Variants in OPRK1 observed in about 807,000 individuals in gnomAD.
The protein encoded by OPRK1 is kappa-type opioid receptor.
OPRK1 carries 15 observed loss-of-function variants against 24.5 expected under a neutral mutation model. That is an observed-to-expected ratio of 0.61 (90% CI 0.41 to 0.94). OPRK1 has a LOEUF of 0.94. Among genes scored for constraint, OPRK1 ranks in the 40% least tolerant of loss-of-function variants. The probability of loss-of-function intolerance (pLI) is 0.00; values close to 1 mark genes in which losing one functional copy is unlikely to be tolerated. For synonymous variants in OPRK1, 205 were observed against 198.0 expected, an observed-to-expected ratio of 1.04 and a Z score of -0.30; for missense variants, 479 against 507.3, an observed-to-expected ratio of 0.94 and a Z score of 0.54.
At position 53,228,896 on chromosome 8, in the gene OPRK1, T is replaced by A. The variant is rs201246610; in HGVS notation, c.*401A>T. On this transcript the variant is annotated 3_prime_UTR_variant, in exon 4 of 4. Transcript: ENST00000265572. ...GTCATTGTGAAACATCTGGATTGGA[T>A]GCCCATTGAGCTCTGAAAGCAATGT... The A allele has an allele frequency of 9.2e-5, 15 of 163,684 alleles. No individual in the cohort carries two copies. The highest frequency in any genetic ancestry group is 1.7e-4 in the Non-Finnish European group (13 of 74,866). The allele number at this position is 163,684 out of a possible 1,614,324, so 10.1% of individuals were successfully genotyped here.
rs1183442384 is a variant in OPRK1 at position 53,226,150 on chromosome 8, G to A, written c.*3147C>T. 6.6e-6 allele frequency: 1 copy of A among 152,110 alleles called. No individual in the cohort carries two copies. Among genetic ancestry groups the A allele is most frequent in the East Asian group, 1.9e-4 (1 of 5,186 alleles). The allele number at this position is 152,110 out of a possible 1,614,324, so 9.4% of individuals were successfully genotyped here. A position where few individuals can be genotyped will look rare whatever the true frequency, so the allele number is the denominator to read the frequency against. The stretch of plus-strand genomic sequence containing the variant: ...CTGTATTTCTTAGTAATATATCACA[G>A]AATAGAACCATTTTCTTAAGATTTT... On this transcript the variant is annotated 3_prime_UTR_variant, in exon 4 of 4. Transcript: ENST00000265572.
chr8:53,247,418 T>C (rs1172028444), intron 2 of OPRK1, among the ~76,000 whole-genome samples: 1 of 152,212 alleles, frequency 6.6e-6, no homozygotes, highest in African/African-American at 2.4e-5. Context: ...ATGATATACC[T>C]ATAGTTGTGA....
At chr8:53,245,763 T>C (rs1325832181) in intron 2 of OPRK1, among the ~76,000 whole-genome samples, 1 of 152,198 alleles carries the variant, frequency 6.6e-6, no homozygotes, top group Non-Finnish European at 1.5e-5. Flanking sequence ...CTCATCTCGG[T>C]ACTGCTGCAA....
chr8:53,248,410 A>G (rs1273635732), intron 2 of OPRK1, among the ~76,000 whole-genome samples: 1 of 152,148 alleles, frequency 6.6e-6, no homozygotes, highest in Non-Finnish European at 1.5e-5. Context: ...AGCCTTTCCC[A>G]TGTAAAACAT....
At chr8:53,241,297 T>A (rs1262653243) in intron 2 of OPRK1, among the ~76,000 whole-genome samples, 1 of 152,252 alleles carries the variant, frequency 6.6e-6, no homozygotes. Context: ...ACTAAATTTT[T>A]CAGTCAGTTT....
rs35649072 is a variant in OPRK1 at position 53,228,914 on chromosome 8, A to G, written c.*383T>C. 2.6e-3 allele frequency: 437 copies of G among 167,354 alleles called. 3 individuals carry two copies. The highest frequency in any genetic ancestry group is 0.012 in the Middle Eastern group (4 of 330). The allele number at this position is 167,354 out of a possible 1,614,324, so 10.4% of individuals were successfully genotyped here. ...GATTGGATGCCCATTGAGCTCTGAA[A>G]GCAATGTTTTTTCTTTTCCTTTTTT... On this transcript the variant is annotated 3_prime_UTR_variant, in exon 4 of 4. Coordinates refer to ENST00000265572, the MANE Select transcript of OPRK1 (RefSeq NM_000912.5).
intron 2 of OPRK1, among the ~76,000 whole-genome samples, chr8:53,236,059 G>A (rs947085368): frequency 5.3e-5 from 8 of 152,136 alleles, no homozygotes; most frequent in Admixed American, 3.9e-4. Context: ...AAATCCATAC[G>A]TTGATTACTT....
At position 53,225,860 on chromosome 8, in the gene OPRK1, C is replaced by T. The variant is rs1806668663; in HGVS notation, c.*3437G>A. 6.6e-6 allele frequency: 1 copy of T among 152,536 alleles called. No homozygotes were observed. The allele number at this position is 152,536 out of a possible 1,614,324, so 9.4% of individuals were successfully genotyped here. On this transcript the variant is annotated 3_prime_UTR_variant, in exon 4 of 4. Coordinates refer to ENST00000265572, the MANE Select transcript of OPRK1 (RefSeq NM_000912.5). ...AGAACATATGAGTATATTCTTGTTT[C>T]AGAGAAGAAAATTGCCTTAAGGAAG...
intron 2 of OPRK1, among the ~76,000 whole-genome samples, chr8:53,235,793 CT>C (rs1222303476): frequency 6.6e-6 from 1 of 152,140 alleles, no homozygotes; most frequent in East Asian, 1.9e-4. Flanking sequence ...GAGATATTTT[CT>C]AAGCACGTAA....
At chr8:53,248,595 A>G (rs1436027048) in intron 2 of OPRK1, among the ~76,000 whole-genome samples, 1 of 152,108 alleles carries the variant, frequency 6.6e-6, no homozygotes, top group Non-Finnish European at 1.5e-5. Context: ...AAATAAACCC[A>G]AGTACATCAA....
intron 2 of OPRK1, among the ~76,000 whole-genome samples, chr8:53,237,172 G>A (rs951149760): frequency 9.9e-5 from 15 of 152,138 alleles, no homozygotes; most frequent in African/African-American, 3.6e-4. Context: ...ACCACAGGAA[G>A]CAGAAAAGAA....
Position 53,229,540 on chromosome 8 carries a change from C to G in OPRK1, c.900G>C (p.Gly300=). Residue 300 remains glycine (G), a synonymous_variant, in exon 4 of 4, where the codon GGG becomes GGC. Transcript: ENST00000265572. ...IHIFILVEAL[G]STSHSTAALS... ...GAGCAGCTGTGCTGTGGGAGGTGCTCCCCAGAGCCTCCACCAGGATGAATA... is the reference window on the plus strand; with the variant it reads ...GAGCAGCTGTGCTGTGGGAGGTGCTGCCCAGAGCCTCCACCAGGATGAATA... 1 of 1,614,138 alleles carries G rather than the reference C, an allele frequency of 6.2e-7. No homozygotes were observed. Among genetic ancestry groups the G allele is most frequent in the Non-Finnish European group, 8.5e-7 (1 of 1,180,022 alleles).
chr8:53,250,457 T>C (rs1807347774), intron 2 of OPRK1, among the ~76,000 whole-genome samples: 1 of 152,194 alleles, frequency 6.6e-6, no homozygotes, highest in Admixed American at 6.5e-5. Flanking sequence ...GACCCTGTTG[T>C]CAGCACCCTG....
chr8:53,242,200 C>T (rs1807130165), intron 2 of OPRK1, among the ~76,000 whole-genome samples: 1 of 152,314 alleles, frequency 6.6e-6, no homozygotes, highest in Admixed American at 6.5e-5. Context: ...GATGATGGCC[C>T]TCTTGCGCTG....
intron 3 of OPRK1, among the ~76,000 whole-genome samples, chr8:53,232,066 G>T (rs1585628654): frequency 6.6e-6 from 1 of 152,320 alleles, no homozygotes; most frequent in East Asian, 1.9e-4. Context: ...AGCGTAAAGA[G>T]AGTGCTGAGG....
Position 53,234,182 on chromosome 8 carries a change from C to CAAAAAAAAAAAAA in OPRK1, c.610+564_610+576dup, listed in dbSNP as rs546459906. ...CTGGCAACAGAGCAAGACTCTCTCT[C>CAAAAAAAAAAAAA]AAAAAAAAAAAAAAAAAAAAATCAG... On this transcript the variant is annotated intron_variant, in intron 3 of 3. Coordinates refer to ENST00000265572, the MANE Select transcript of OPRK1 (RefSeq NM_000912.5). 5.7e-4 allele frequency among the ~76,000 whole-genome samples: 37 copies of CAAAAAAAAAAAAA among 65,348 alleles called. 2 individuals carry two copies. The highest frequency in any genetic ancestry group is 1.0e-3 in the African/African-American group (13 of 12,460). 42.9% of individuals were successfully genotyped at this position (65,348 alleles called of 152,430 possible). A position where few individuals can be genotyped will look rare whatever the true frequency, so the allele number is the denominator to read the frequency against.
chr8:53,248,029 G>A (rs1408497246), intron 2 of OPRK1, among the ~76,000 whole-genome samples: 2 of 143,002 alleles, frequency 1.4e-5, no homozygotes, highest in East Asian at 4.2e-4. Flanking sequence ...AGAATCCTGA[G>A]GGTCACACCC....
In OPRK1 at chr8:53,226,589, T is replaced by TCGGACAAA. The variant is rs1806692694; in HGVS notation, c.*2707_*2708insTTTGTCCG. The stretch of plus-strand genomic sequence containing the variant: ...AGAGATATCAGAGAGCCAGAGGGGT[T>TCGGACAAA]TGGACAAATGCATTGCCTGGAACAA... On this transcript the variant is annotated 3_prime_UTR_variant, in exon 4 of 4. Transcript: ENST00000265572. The TCGGACAAA allele has an allele frequency of 9.3e-6, 1 of 107,274 alleles. No homozygotes were observed. The highest frequency in any genetic ancestry group is 5.0e-5 in the African/African-American group (1 of 19,938). The allele number at this position is 107,274 out of a possible 1,614,324, so 6.6% of individuals were successfully genotyped here. A position where few individuals can be genotyped will look rare whatever the true frequency, so the allele number is the denominator to read the frequency against.
intron 2 of OPRK1, among the ~76,000 whole-genome samples, chr8:53,241,452 G>A (rs997807734): frequency 2.6e-5 from 4 of 151,674 alleles, no homozygotes; most frequent in South Asian, 2.1e-4. Context: ...TGGCTTGACC[G>A]CCCCACTGCA....
Sources: allele counts gnomAD v4.1 joint callset (sites outside exome capture counted in the v4.1 genomes callset), GRCh38; gene constraint gnomAD v4.1.1; transcripts MANE v1.5; gene names NCBI Gene and HGNC (gene_info 2026-07-23, HGNC 2026-07-21).